The following CREB5 variants were observed in gnomAD, a reference collection of about 807,000 sequenced individuals.
The protein encoded by CREB5 is cyclic AMP-responsive element-binding protein 5.
Under a neutral mutation model 57.1 loss-of-function variants are expected in CREB5, and 19 were observed. The ratio of observed to expected loss-of-function variants is 0.33; its 90% CI spans 0.23 to 0.49. CREB5 has a LOEUF of 0.49. Ranked by LOEUF, CREB5 falls within the 20% of genes least tolerant of loss-of-function variation. The pLI is 0.99. For missense variants in CREB5, 579 were observed against 671.6 expected (o/e 0.86, Z 1.52); for synonymous variants, 238 against 238.3 (o/e 1.00, Z 0.01).
rs371699221 is a variant in CREB5 at position 28,570,499 on chromosome 7, T to A, written c.426T>A (p.Ser142=). Residue 142 remains serine (S), a synonymous_variant, in exon 5 of 11, where the codon TCT becomes TCA. Transcript: ENST00000357727. ...CCATGCCGTCGCCTCAGTCCAGCTC[T>A]GTCATCACTCAGGCACCTTCCACCA... ...QQAMPSPQSS[S]VITQAPSTNR... The A allele has an allele frequency of 6.2e-7, 1 of 1,614,084 alleles. No individual in the cohort carries two copies. The highest frequency in any genetic ancestry group is 8.5e-7 in the Non-Finnish European group (1 of 1,179,982).
chr7:28,385,436 G>T (rs1207833352), intron 1 of CREB5, among the ~76,000 whole-genome samples: 3 of 152,110 alleles, frequency 2.0e-5, no homozygotes, highest in Non-Finnish European at 2.9e-5. Flanking sequence ...TAGCACTTTG[G>T]GAAGCAGAGG....
intron 7 of CREB5, 67 bp downstream of exon 7, chr7:28,724,399 C>T: frequency 1.5e-6 from 2 of 1,378,470 alleles, no homozygotes; most frequent in Admixed American, 1.8e-5. Flanking sequence ...TACTCTGACT[C>T]CAAAACCTTA....
chr7:28,306,665 A>C (rs1234282151), intron 1 of CREB5, among the ~76,000 whole-genome samples: 1 of 139,194 alleles, frequency 7.2e-6, no homozygotes, highest in Non-Finnish European at 1.5e-5. Flanking sequence ...GGTTCACGCC[A>C]TTCTCCTGCC....
At chr7:28,711,156 A>G (rs924491424) in intron 5 of CREB5, among the ~76,000 whole-genome samples, 5 of 152,212 alleles carry the variant, frequency 3.3e-5, no homozygotes, top group Admixed American at 3.3e-4. Flanking sequence ...CTGATAAGCT[A>G]TAGCATTCGC....
intron 5 of CREB5, among the ~76,000 whole-genome samples, chr7:28,692,028 A>AAC (rs1316014671): frequency 7.4e-6 from 1 of 135,656 alleles, no homozygotes; most frequent in African/African-American, 2.5e-5. Flanking sequence ...AAAAAAAAAA[A>AAC]ACAACAAATT....
intron 1 of CREB5, among the ~76,000 whole-genome samples, chr7:28,480,100 G>A (rs1311512282): frequency 6.6e-6 from 1 of 151,750 alleles, no homozygotes; most frequent in African/African-American, 2.4e-5. Flanking sequence ...AAAAAGTTGT[G>A]ACTCTTAAGA....
In CREB5 at chr7:28,471,302, G is replaced by A. The variant is rs558318943; in HGVS notation, c.4-16873G>A. 1.7e-3 allele frequency among the ~76,000 whole-genome samples: 260 copies of A among 152,196 alleles called. 1 individual carries two copies. Among genetic ancestry groups the A allele is most frequent in the African/African-American group, 5.7e-3 (238 of 41,532 alleles). ...ATTCTTCTGTGTATGGATTTCCAACGTTCCCAGCACCCTTTATTGAAGACA... is the reference window on the plus strand; with the variant it reads ...ATTCTTCTGTGTATGGATTTCCAACATTCCCAGCACCCTTTATTGAAGACA... On this transcript the variant is annotated intron_variant, in intron 1 of 10. Transcript: ENST00000357727.
intron 5 of CREB5, among the ~76,000 whole-genome samples, chr7:28,664,283 C>T (rs968667858): frequency 3.3e-5 from 5 of 152,144 alleles, no homozygotes; most frequent in Non-Finnish European, 5.9e-5. Flanking sequence ...ACATCAAATC[C>T]TTGGTTTGAT....
chr7:28,610,016 C>G (rs957981854), intron 5 of CREB5, among the ~76,000 whole-genome samples: 1 of 152,190 alleles, frequency 6.6e-6, no homozygotes, highest in East Asian at 1.9e-4. Flanking sequence ...GAATTGGAAG[C>G]CTTCCAGGGC....
chr7:28,324,481 A>C (rs1785547262), intron 1 of CREB5, among the ~76,000 whole-genome samples: 2 of 152,076 alleles, frequency 1.3e-5, no homozygotes, highest in Admixed American at 1.3e-4. Flanking sequence ...AAATATCTTG[A>C]CTTTCATGAT....
intron 5 of CREB5, among the ~76,000 whole-genome samples, chr7:28,593,371 C>G (rs1235807225): frequency 6.6e-6 from 1 of 152,174 alleles, no homozygotes; most frequent in East Asian, 1.9e-4. Flanking sequence ...GCCTCAGCCT[C>G]CTGAGTAGGT....
chr7:28,603,560 TTGG>T (rs1797003565), intron 5 of CREB5, among the ~76,000 whole-genome samples: 1 of 152,192 alleles, frequency 6.6e-6, no homozygotes, highest in African/African-American at 2.4e-5. Flanking sequence ...TGTGCACAAC[TTGG>T]ACATCCCAAC....
At chr7:28,396,589 G>C (rs1028093088) in intron 1 of CREB5, among the ~76,000 whole-genome samples, 2 of 152,140 alleles carry the variant, frequency 1.3e-5, no homozygotes, top group Non-Finnish European at 2.9e-5. Context: ...ATGATGTCAG[G>C]AGGATATTAT....
At chr7:28,408,930 A>G (rs919434636), upstream of CREB5, among the ~76,000 whole-genome samples, 6 of 151,944 alleles carry the variant, frequency 3.9e-5, no homozygotes, top group African/African-American at 1.5e-4. Context: ...CTTTTCCCAC[A>G]TCCTTCAGCA....
chr7:28,343,960 T>G lies in CREB5; in HGVS notation c.-25+44519T>G, dbSNP rs570030150. On this transcript the variant is annotated intron_variant, in intron 1 of 9. Coordinates refer to the CREB5 transcript ENST00000396299. Reference sequence around the variant, plus strand: ...GCATTTCCCTGATAATTAGTGATATTGAGCATTTTTTCATATACCTGTTGG... The same window carrying G: ...GCATTTCCCTGATAATTAGTGATATGGAGCATTTTTTCATATACCTGTTGG... Among the ~76,000 whole-genome samples, 4 of 152,322 alleles carry G rather than the reference T, an allele frequency of 2.6e-5. No individual in the cohort carries two copies. In the South Asian group the frequency reaches 8.3e-4, roughly 32 times the overall value.
At chr7:28,727,265 T>A (rs1803379931) in intron 7 of CREB5, among the ~76,000 whole-genome samples, 1 of 152,126 alleles carries the variant, frequency 6.6e-6, no homozygotes, top group Non-Finnish European at 1.5e-5. Context: ...ATGCACGTAT[T>A]GGATTCCTTT....
At chr7:28,467,787 A>G (rs1156742242) in intron 1 of CREB5, among the ~76,000 whole-genome samples, 1 of 152,168 alleles carries the variant, frequency 6.6e-6, no homozygotes, top group African/African-American at 2.4e-5. Flanking sequence ...AAAGAGGTGG[A>G]GCTAATGGGA....
intron 5 of CREB5, among the ~76,000 whole-genome samples, chr7:28,625,524 G>A (rs1797967026): frequency 6.6e-6 from 1 of 152,182 alleles, no homozygotes; most frequent in Non-Finnish European, 1.5e-5. Flanking sequence ...AGTGGCTGGA[G>A]TTAAAATCCC....
intron 1 of CREB5, among the ~76,000 whole-genome samples, chr7:28,474,662 A>G (rs1790985248): frequency 6.6e-6 from 1 of 152,224 alleles, no homozygotes; most frequent in Non-Finnish European, 1.5e-5. Context: ...TCTTCCAAAC[A>G]TTAACTTGAT....
Sources: allele counts gnomAD v4.1 joint callset (sites outside exome capture counted in the v4.1 genomes callset), GRCh38; gene constraint gnomAD v4.1.1; transcripts MANE v1.5; gene names NCBI Gene and HGNC (gene_info 2026-07-23, HGNC 2026-07-21).